Variants in COL5A2 observed in about 807,000 individuals in gnomAD.
COL5A2 encodes the protein collagen type V alpha 2 chain, also known as collagen alpha-2(V) chain.
In COL5A2, 23 loss-of-function variants were observed where a neutral mutation model predicts 208.2. The ratio of observed to expected loss-of-function variants is 0.11; its 90% confidence interval spans 0.08 to 0.16. The LOEUF (loss-of-function observed/expected upper bound fraction) is 0.16, where lower values mean the gene tolerates loss of function less well. Ranked by LOEUF, COL5A2 falls within the 10% of genes least tolerant of loss-of-function variation. The pLI is 1.00. For synonymous variants in COL5A2, 625 were observed against 628.5 expected, an observed-to-expected ratio of 0.99 and a Z score of 0.08; for missense variants, 1,590 against 1,956.4, an observed-to-expected ratio of 0.81 and a Z score of 3.53.
intron 1 of COL5A2, among the ~76,000 whole-genome samples, chr2:189,131,083 G>C (rs539316977): frequency 1.6e-4 from 25 of 152,172 alleles, no homozygotes; most frequent in African/African-American, 5.8e-4. Context: ...ATTGAGAGGA[G>C]AGCGGGGACT....
upstream of COL5A2, among the ~76,000 whole-genome samples, chr2:189,180,960 G>T (rs1688771702): frequency 6.6e-6 from 1 of 152,264 alleles, no homozygotes; most frequent in Admixed American, 6.5e-5. Context: ...TGGGCAACAG[G>T]TGCCTTGCAC....
At chr2:189,170,270 A>T (rs1454107212) in intron 1 of COL5A2, among the ~76,000 whole-genome samples, 1 of 152,246 alleles carries the variant, frequency 6.6e-6, no homozygotes, top group Non-Finnish European at 1.5e-5. Context: ...TGAGTGAACG[A>T]ATTGTGGAAA....
intron 3 of COL5A2, among the ~76,000 whole-genome samples, chr2:189,103,601 C>T (rs1687090413): frequency 1.3e-5 from 2 of 152,154 alleles, no homozygotes; most frequent in East Asian, 3.9e-4. Flanking sequence ...ACTATCTTCG[C>T]TTCGTAGGAT....
At chr2:189,356,950 C>A in the COL5A2 span, among the ~76,000 whole-genome samples, 1 of 152,128 alleles carries the variant, frequency 6.6e-6, no homozygotes, top group African/African-American at 2.4e-5. Flanking sequence ...GATGTTGATG[C>A]TATTCCTTTC....
chr2:189,412,234 C>A, the COL5A2 span, among the ~76,000 whole-genome samples: 1 of 152,114 alleles, frequency 6.6e-6, no homozygotes, highest in Non-Finnish European at 1.5e-5. Context: ...CACAAAACAT[C>A]ATCCTAACGT....
the COL5A2 span, among the ~76,000 whole-genome samples, chr2:189,258,705 T>C: frequency 6.6e-6 from 1 of 152,220 alleles, no homozygotes; most frequent in East Asian, 1.9e-4. Context: ...CATTCATATA[T>C]GGGATTTAAT....
chr2:189,099,974 TG>T, intron 4 of COL5A2, 132 bp downstream of exon 4: 1 of 717,340 alleles, frequency 1.4e-6, no homozygotes, highest in Non-Finnish European at 2.4e-6. Context: ...GGTTTGCTTG[TG>T]TTATACTAAA....
chr2:189,274,404 G>A, the COL5A2 span, among the ~76,000 whole-genome samples: 3 of 152,162 alleles, frequency 2.0e-5, no homozygotes, highest in African/African-American at 7.2e-5. Context: ...ATAGTTCTCT[G>A]TATGTTTTGT....
the COL5A2 span, among the ~76,000 whole-genome samples, chr2:189,353,025 A>G: frequency 7.6e-4 from 115 of 152,190 alleles, no homozygotes; most frequent in African/African-American, 2.6e-3. Context: ...AGTTTTCCCA[A>G]CGCCATTTAT....
the COL5A2 span, among the ~76,000 whole-genome samples, chr2:189,277,309 T>C: frequency 2.0e-5 from 3 of 152,134 alleles, no homozygotes; most frequent in African/African-American, 7.2e-5. Flanking sequence ...ATCAAAATGT[T>C]CTTAACATGA....
chr2:189,296,779 C>T, the COL5A2 span, among the ~76,000 whole-genome samples: 4 of 152,310 alleles, frequency 2.6e-5, no homozygotes, highest in South Asian at 8.3e-4. Flanking sequence ...AATATCAGCT[C>T]ATCCTTTTCA....
the COL5A2 span, among the ~76,000 whole-genome samples, chr2:189,236,265 T>C: frequency 6.6e-6 from 1 of 151,620 alleles, no homozygotes; most frequent in East Asian, 1.9e-4. Flanking sequence ...GTCCTGTGAG[T>C]CCTATAAATC....
At chr2:189,318,598 A>G in the COL5A2 span, among the ~76,000 whole-genome samples, 9 of 152,322 alleles carry the variant, frequency 5.9e-5, no homozygotes, top group East Asian at 1.7e-3. Context: ...AACTCCTCCA[A>G]TTAATAGTAC....
chr2:189,142,083 T>G (rs1333860470), intron 1 of COL5A2, among the ~76,000 whole-genome samples: 1 of 152,150 alleles, frequency 6.6e-6, no homozygotes, highest in Non-Finnish European at 1.5e-5. Flanking sequence ...ATAGACTTGA[T>G]AAGTTATCAT....
chr2:189,172,972 T>C (rs1184293240), intron 1 of COL5A2, among the ~76,000 whole-genome samples: 2 of 144,256 alleles, frequency 1.4e-5, no homozygotes, highest in Admixed American at 6.9e-5. Flanking sequence ...CCTCTTCTTT[T>C]TTTTTTTTTT....
chr2:189,054,355 T>C (rs1009584189), intron 35 of COL5A2, 143 bp from the exon 36 acceptor site: 3 of 647,202 alleles, frequency 4.6e-6, no homozygotes, highest in Non-Finnish European at 5.5e-6. Context: ...ATAAATGATA[T>C]AATCTATATA....
the COL5A2 span, among the ~76,000 whole-genome samples, chr2:189,416,929 C>T: frequency 6.6e-6 from 1 of 152,124 alleles, no homozygotes; most frequent in Admixed American, 6.5e-5. Flanking sequence ...AATTATTAGA[C>T]AAACCCTTTG....
chr2:189,069,068 AG>A (rs1686215520), intron 18 of COL5A2, among the ~76,000 whole-genome samples, 184 bp from the exon 19 acceptor site: 1 of 152,188 alleles, frequency 6.6e-6, no homozygotes. Flanking sequence ...TTCCTTCTTA[AG>A]GGATGACGCT....
At chr2:189,434,305 A>G in the COL5A2 span, among the ~76,000 whole-genome samples, 2 of 152,176 alleles carry the variant, frequency 1.3e-5, no homozygotes, top group African/African-American at 2.4e-5. Flanking sequence ...CTCCTATTCA[A>G]CATAGTGTTG....
Sources: gnomAD v4.1 joint callset for allele counts (sites outside exome capture counted in the v4.1 genomes callset) on GRCh38, gnomAD v4.1.1 for gene constraint, MANE v1.5 for transcripts, NCBI Gene and HGNC (gene_info 2026-07-23, HGNC 2026-07-21) for gene names.